Variants in OSBPL10 observed in about 807,000 individuals in gnomAD.
The protein encoded by OSBPL10 is oxysterol binding protein like 10.
Under a neutral mutation model 81.7 loss-of-function variants are expected in OSBPL10, and 49 were observed. The ratio of observed to expected loss-of-function variants is 0.60; its 90% CI spans 0.48 to 0.76. OSBPL10 has a LOEUF of 0.76. Ranked by LOEUF, OSBPL10 falls within the 30% of genes least tolerant of loss-of-function variation. The probability of loss-of-function intolerance (pLI) is 0.00; values close to 1 mark genes in which losing one functional copy is unlikely to be tolerated. For synonymous variants in OSBPL10, 419 were observed against 383.6 expected, an observed-to-expected ratio of 1.09 and a Z score of -1.08; for missense variants, 923 against 987.8, an observed-to-expected ratio of 0.93 and a Z score of 0.88.
intron 4 of OSBPL10, among the ~76,000 whole-genome samples, chr3:31,754,579 G>A (rs758881723): frequency 2.6e-5 from 4 of 152,044 alleles, no homozygotes; most frequent in Non-Finnish European, 4.4e-5. Flanking sequence ...GTAAACAGGC[G>A]GCAGGATCTC....
chr3:32,051,469 G>T (rs954926406), intron 1 of OSBPL10, among the ~76,000 whole-genome samples: 1 of 152,138 alleles, frequency 6.6e-6, no homozygotes, highest in South Asian at 2.1e-4. Context: ...TTGATGTTTG[G>T]ATTAGAGAAG....
chr3:31,703,833 GTTTTC>G (rs934481972), intron 6 of OSBPL10: 2 of 152,202 alleles, frequency 1.3e-5, no homozygotes, highest in African/African-American at 4.8e-5. Context: ...CAAAAGCTGA[GTTTTC>G]TTTTATTATG....
intron 4 of OSBPL10, among the ~76,000 whole-genome samples, chr3:31,789,003 G>A (rs1698937131): frequency 6.6e-6 from 1 of 151,492 alleles, no homozygotes; most frequent in South Asian, 2.1e-4. Context: ...TTTTGAGACG[G>A]AGTCTCACTC....
chr3:32,035,360 G>C (rs987371836), intron 2 of OSBPL10, among the ~76,000 whole-genome samples: 1 of 151,992 alleles, frequency 6.6e-6, no homozygotes, highest in African/African-American at 2.4e-5. Context: ...TCAAGAGTTC[G>C]AGACCAGCTT....
chr3:31,705,617 G>A (rs751491288), intron 6 of OSBPL10, among the ~76,000 whole-genome samples: 68 of 152,220 alleles, frequency 4.5e-4, no homozygotes, highest in Non-Finnish European at 7.1e-4. Context: ...TGTTGATTCC[G>A]CTACTCTGAT....
At chr3:31,848,443 T>C (rs1700687208) in intron 3 of OSBPL10, among the ~76,000 whole-genome samples, 1 of 152,090 alleles carries the variant, frequency 6.6e-6, no homozygotes, top group Non-Finnish European at 1.5e-5. Flanking sequence ...AATTCCATTA[T>C]CTGGTTCCAG....
chr3:31,877,809 A>G lies in OSBPL10; in HGVS notation c.458-1297T>C, dbSNP rs190932801. Among the ~76,000 whole-genome samples the G allele has an allele frequency of 3.8e-4, 58 of 152,350 alleles. 1 individual carries two copies. The highest frequency in any genetic ancestry group is 1.3e-3 in the African/African-American group (52 of 41,588). ...TACACAAGTCTGATTTACAGTGTGT[A>G]CCAGGTGTAATGAACTTCCAAAGAC... On this transcript the variant is annotated intron_variant, in intron 2 of 11. Transcript: ENST00000396556.
intron 5 of OSBPL10, among the ~76,000 whole-genome samples, chr3:31,743,618 T>A (rs1697427097): frequency 6.6e-6 from 1 of 151,392 alleles, no homozygotes; most frequent in African/African-American, 2.4e-5. Flanking sequence ...CAAGATGAAA[T>A]ACACAAGATC....
intron 1 of OSBPL10, among the ~76,000 whole-genome samples, chr3:32,069,984 C>G (rs1329346151): frequency 6.6e-6 from 1 of 152,246 alleles, no homozygotes; most frequent in Non-Finnish European, 1.5e-5. Flanking sequence ...CTCCGACTCA[C>G]ATCGCCGCTG....
chr3:31,832,906 G>A (rs776945075), intron 3 of OSBPL10, among the ~76,000 whole-genome samples: 7 of 152,158 alleles, frequency 4.6e-5, no homozygotes, highest in African/African-American at 1.2e-4. Context: ...ATGATCCATC[G>A]TTTTACAGAT....
chr3:31,668,838 T>A lies in OSBPL10; in HGVS notation c.1914-14A>T. The A allele has an allele frequency of 6.3e-7, 1 of 1,589,208 alleles. No individual in the cohort carries two copies. Among genetic ancestry groups the A allele is most frequent in the Middle Eastern group, 1.7e-4 (1 of 5,934 alleles). On this transcript the variant is annotated splice_polypyrimidine_tract_variant and intron_variant, in intron 9 of 11. Transcript: ENST00000396556. ...TCTGCGGTAACCCTGAATTAATGAG[T>A]CAAATGAGTACACACTTTTCAAAAT... is the stretch of plus-strand genomic sequence containing the variant.
At chr3:31,711,806 A>C (rs1696262079) in intron 6 of OSBPL10, among the ~76,000 whole-genome samples, 1 of 152,212 alleles carries the variant, frequency 6.6e-6, no homozygotes, top group African/African-American at 2.4e-5. Context: ...AATATACTAA[A>C]ATCCACCAAA....
intron 2 of OSBPL10, among the ~76,000 whole-genome samples, chr3:32,016,138 C>T (rs1410172935): frequency 2.0e-5 from 3 of 152,152 alleles, no homozygotes; most frequent in Non-Finnish European, 4.4e-5. Flanking sequence ...TATAGAGACA[C>T]ATGCACACGT....
intron 1 of OSBPL10, among the ~76,000 whole-genome samples, chr3:31,943,538 A>T (rs1697596782): frequency 6.6e-6 from 1 of 152,230 alleles, no homozygotes; most frequent in Non-Finnish European, 1.5e-5. Flanking sequence ...CGCTGTTAAT[A>T]TTTCAGAATA....
chr3:31,726,393 T>C (rs1189007908), intron 6 of OSBPL10, among the ~76,000 whole-genome samples: 1 of 152,136 alleles, frequency 6.6e-6, no homozygotes, highest in African/African-American at 2.4e-5. Context: ...CTCTGCTCAC[T>C]GCAACCTCCG....
At chr3:31,974,134 A>G (rs957008248) in intron 1 of OSBPL10, among the ~76,000 whole-genome samples, 2 of 152,230 alleles carry the variant, frequency 1.3e-5, no homozygotes, top group Non-Finnish European at 2.9e-5. Flanking sequence ...CAGAGGACTT[A>G]AAGAGCAGCT....
At position 31,944,754 on chromosome 3, in the gene OSBPL10, T is replaced by C. The variant is rs140028627; in HGVS notation, c.281+36145A>G. ...GGTTGCTTCACATGAAAAGAGTGGG[T>C]ACAGGAGTTAAGGTTGCAGTGAGCT... On this transcript the variant is annotated intron_variant, in intron 1 of 11. Transcript: ENST00000396556. Among the ~76,000 whole-genome samples, 130 of 143,424 alleles carry C rather than the reference T, an allele frequency of 9.1e-4. 1 individual carries two copies. The East Asian group carries it at 0.021, about 23-fold the overall frequency. 94.1% of individuals were successfully genotyped at this position (143,424 alleles called of 152,430 possible). A position where few individuals can be genotyped will look rare whatever the true frequency, so the allele number is the denominator to read the frequency against.
chr3:32,013,737 A>G (rs551469116), intron 2 of OSBPL10, among the ~76,000 whole-genome samples: 20 of 152,340 alleles, frequency 1.3e-4, no homozygotes, highest in Non-Finnish European at 2.6e-4. Flanking sequence ...AATGAAATAG[A>G]TGCAATAAAA....
intron 1 of OSBPL10, among the ~76,000 whole-genome samples, chr3:31,922,823 A>G (rs1696959221): frequency 6.6e-6 from 1 of 152,070 alleles, no homozygotes; most frequent in Admixed American, 6.6e-5. Flanking sequence ...TCATCTCCAC[A>G]CTGCACACCA....
Sources: allele counts gnomAD v4.1 joint callset (sites outside exome capture counted in the v4.1 genomes callset), GRCh38; gene constraint gnomAD v4.1.1; transcripts MANE v1.5; gene names NCBI Gene and HGNC (gene_info 2026-07-23, HGNC 2026-07-21).